Variants in TC2N observed in about 807,000 individuals in gnomAD.
The protein encoded by TC2N is tandem C2 domains, nuclear, also known as tandem C2 domains nuclear protein.
A neutral mutation model predicts 61.9 loss-of-function variants in TC2N; 51 were observed. The observed-to-expected ratio is 0.82, with a 90% CI of 0.66 to 1.04. The LOEUF (loss-of-function observed/expected upper bound fraction) is 1.04, where lower values mean the gene tolerates loss of function less well. TC2N is among the 50% of genes least tolerant of loss of function. TC2N has a pLI of 0.00. For missense variants in TC2N, 556 were observed against 566.7 expected (o/e 0.98, Z 0.19); for synonymous variants, 204 against 192.6 (o/e 1.06, Z -0.49).
chr14:91,847,073 C>T (rs1346208333), intron 1 of TC2N, among the ~76,000 whole-genome samples: 2 of 152,156 alleles, frequency 1.3e-5, no homozygotes, highest in Non-Finnish European at 1.5e-5. Flanking sequence ...GCCTGGCCAA[C>T]GTGGTGAAAC....
chr14:91,786,600 A>T (rs536341970), intron 10 of TC2N, among the ~76,000 whole-genome samples: 1 of 152,236 alleles, frequency 6.6e-6, no homozygotes, highest in East Asian at 1.9e-4. Flanking sequence ...CAACTGCTGA[A>T]TTTCTCAGAA....
intron 4 of TC2N, among the ~76,000 whole-genome samples, 159 bp from the exon 5 acceptor site, chr14:91,800,531 A>T (rs1478177158): frequency 6.6e-5 from 10 of 152,102 alleles, no homozygotes; most frequent in Non-Finnish European, 1.5e-4. Flanking sequence ...ACTTAAAAAA[A>T]TTTTTTTCAG....
intron 1 of TC2N, among the ~76,000 whole-genome samples, chr14:91,826,450 C>T (rs1179214914): frequency 6.6e-6 from 1 of 151,574 alleles, no homozygotes. Flanking sequence ...ATCTATTTCT[C>T]CTTTTAGTTC....
chr14:91,800,287 G>T lies in TC2N; in HGVS notation c.555C>A (p.Phe185Leu). The change falls in exon 5 of 12, where the codon TTC (phenylalanine) becomes TTA (leucine). Residue 185 changes from phenylalanine (F) to leucine (L), a missense_variant. Physicochemically the swap from Phe to Leu is conservative, Grantham distance 22. Transcript: ENST00000435962. ...MFDLTNSSQR[F>L]IQRHDSLSSV... ...ATTTATGTAGATAATTCACCTGGAT[G>T]AATCGCTGAGATGAGTTTGTAAGAT... 1 of 1,582,992 alleles carries T rather than the reference G, an allele frequency of 6.3e-7. No homozygotes were observed. The highest frequency in any genetic ancestry group is 8.6e-7 in the Non-Finnish European group (1 of 1,161,582).
chr14:91,842,036 C>CCAGCCTCCACCTCCCAGGCT (rs1261522414), intron 1 of TC2N, among the ~76,000 whole-genome samples: 2 of 144,940 alleles, frequency 1.4e-5, no homozygotes, highest in African/African-American at 5.1e-5. Context: ...ATGGCTCACT[C>CCAGCCTCCACCTCCCAGGCT]CAGCCTCCAC....
rs1887627699 is a variant in TC2N, at chr14:91,829,045, T to C, written c.-56-15220A>G. On this transcript the variant is annotated intron_variant, in intron 1 of 11. Coordinates refer to ENST00000435962, the MANE Select transcript of TC2N (RefSeq NM_001128596.3). ...AAGGCAGCTGCTAGCATAACCACTG[T>C]TCTTTTAAAAAAAAAAAAAAATCTT... Among the ~76,000 whole-genome samples, 4 of 149,344 alleles carry C rather than the reference T, an allele frequency of 2.7e-5. No homozygotes were observed. In the South Asian group the frequency reaches 9.0e-4, roughly 33 times the overall value.
intron 3 of TC2N, among the ~76,000 whole-genome samples, chr14:91,805,572 G>A (rs981019765): frequency 8.5e-5 from 13 of 152,110 alleles, no homozygotes; most frequent in African/African-American, 2.9e-4. Flanking sequence ...GGCTGAGGCA[G>A]GAGAATCGCT....
intron 3 of TC2N, among the ~76,000 whole-genome samples, chr14:91,806,953 C>A (rs923901947): frequency 1.3e-5 from 2 of 152,334 alleles, no homozygotes; most frequent in Middle Eastern, 6.8e-3. Flanking sequence ...CTGTTGTGTG[C>A]AGCCTAGGGA....
rs1486699229 is a variant in TC2N at position 91,780,414 on chromosome 14, AC to A, written c.*2685del. 6.6e-6 allele frequency: 1 copy of A among 152,182 alleles called. No homozygotes were observed. The allele number at this position is 152,182 out of a possible 1,614,324, so 9.4% of individuals were successfully genotyped here. A position where few individuals can be genotyped will look rare whatever the true frequency, so the allele number is the denominator to read the frequency against. ...AATTATATAACTTGTTCAAAATCCC[AC>A]TAGTTTCTTCTTAACAGTCTTGGTA... On this transcript the variant is annotated 3_prime_UTR_variant, in exon 12 of 12. Transcript: ENST00000435962.
At chr14:91,866,095 C>A (rs1434903446) in intron 1 of TC2N, among the ~76,000 whole-genome samples, 2 of 152,086 alleles carry the variant, frequency 1.3e-5, no homozygotes, top group African/African-American at 4.8e-5. Flanking sequence ...CTTTTACAAA[C>A]AATATTTCAT....
intron 1 of TC2N, among the ~76,000 whole-genome samples, chr14:91,830,853 T>C (rs1181444730): frequency 6.6e-6 from 1 of 152,198 alleles, no homozygotes; most frequent in Non-Finnish European, 1.5e-5. Flanking sequence ...TTGTTTTACC[T>C]GGCATCAAGA....
At chr14:91,823,212 C>T (rs371208149) in intron 1 of TC2N, among the ~76,000 whole-genome samples, 4 of 151,916 alleles carry the variant, frequency 2.6e-5, no homozygotes, top group Admixed American at 6.5e-5. Context: ...TTAGCAGAGC[C>T]GAAGGCTTAG....
chr14:91,835,963 G>A (rs1887981299), intron 1 of TC2N, among the ~76,000 whole-genome samples: 1 of 152,086 alleles, frequency 6.6e-6, no homozygotes, highest in South Asian at 2.1e-4. Context: ...GGTCCCCCTA[G>A]GCAGAGCCGC....
At chr14:91,807,327 A>G (rs1886557338) in intron 3 of TC2N, among the ~76,000 whole-genome samples, 1 of 152,194 alleles carries the variant, frequency 6.6e-6, no homozygotes, top group South Asian at 2.1e-4. Flanking sequence ...AGAATGGTAG[A>G]TCCACCAACA....
chr14:91,791,638 G>A (rs916044655), intron 9 of TC2N, among the ~76,000 whole-genome samples: 4 of 152,010 alleles, frequency 2.6e-5, no homozygotes, highest in Non-Finnish European at 5.9e-5. Context: ...ATGAGCTGCT[G>A]TATAGCTTAC....
intron 1 of TC2N, among the ~76,000 whole-genome samples, chr14:91,831,507 A>G (rs1356741546): frequency 6.6e-6 from 1 of 152,202 alleles, no homozygotes; most frequent in Non-Finnish European, 1.5e-5. Flanking sequence ...TAAAGTAAAT[A>G]AGACTGTGGT....
intron 1 of TC2N, among the ~76,000 whole-genome samples, chr14:91,820,806 C>T (rs986181366): frequency 6.6e-6 from 1 of 151,740 alleles, no homozygotes; most frequent in African/African-American, 2.4e-5. Context: ...TTTCTATATA[C>T]TAACCATGAA....
chr14:91,847,579 G>C (rs1181248853), intron 1 of TC2N, among the ~76,000 whole-genome samples: 4 of 152,192 alleles, frequency 2.6e-5, no homozygotes, highest in Non-Finnish European at 4.4e-5. Context: ...TAAGGCCCAT[G>C]ACCTTCACAT....
At chr14:91,787,674 G>C (rs375159064) in intron 9 of TC2N, 47 bp from the exon 10 acceptor site, 15 of 1,122,900 alleles carry the variant, frequency 1.3e-5, no homozygotes, top group Non-Finnish European at 1.7e-5. Context: ...TAAAGTTTTT[G>C]AAACAATTCA....
Sources: allele counts gnomAD v4.1 joint callset (sites outside exome capture counted in the v4.1 genomes callset), GRCh38; gene constraint gnomAD v4.1.1; transcripts MANE v1.5; gene names NCBI Gene and HGNC (gene_info 2026-07-23, HGNC 2026-07-21).